Variants in ARHGAP28 observed in about 807,000 individuals in gnomAD.
ARHGAP28 encodes the protein Rho GTPase activating protein 28, also known as rho GTPase-activating protein 28.
ARHGAP28 carries 56 observed loss-of-function variants against 90.7 expected under a neutral mutation model. That is an observed-to-expected ratio of 0.62 (90% CI 0.50 to 0.77). The LOEUF is 0.77. Among genes scored for constraint, ARHGAP28 ranks in the 30% least tolerant of loss-of-function variants. The pLI is 0.00. For synonymous variants in ARHGAP28, 308 were observed against 323.3 expected (o/e 0.95, Z 0.51); for missense variants, 869 against 900.9 (o/e 0.96, Z 0.45).
chr18:6,763,555 A>G (rs1410999256), intron 1 of ARHGAP28, among the ~76,000 whole-genome samples: 1 of 152,238 alleles, frequency 6.6e-6, no homozygotes, highest in Non-Finnish European at 1.5e-5. Context: ...TTACTGTGTC[A>G]TAGCAGTCAT....
At chr18:6,881,277 G>A (rs2057175947) in intron 10 of ARHGAP28, among the ~76,000 whole-genome samples, 1 of 152,284 alleles carries the variant, frequency 6.6e-6, no homozygotes, top group Non-Finnish European at 1.5e-5. Flanking sequence ...ATAAAGCAGA[G>A]GTCTTAAAGA....
intron 12 of ARHGAP28, among the ~76,000 whole-genome samples, chr18:6,887,934 G>A (rs2057235325): frequency 2.0e-5 from 3 of 152,196 alleles, no homozygotes; most frequent in Admixed American, 2.0e-4. Context: ...CATTAGTCTG[G>A]TGTACTGAAG....
rs1051870909 is a variant in ARHGAP28, at chr18:6,913,770, C to T, written c.*1616C>T. ...TGCCTGAAAACCCATTAAAAGAAAA[C>T]GTGCCTTCTGTATAAGTTTATGTTT... On this transcript the variant is annotated 3_prime_UTR_variant, in exon 18 of 18. Transcript: ENST00000383472. The T allele has an allele frequency of 4.0e-5, 6 of 150,736 alleles. No individual in the cohort carries two copies. The highest frequency in any genetic ancestry group is 1.5e-4 in the African/African-American group (6 of 40,968). 9.3% of individuals were successfully genotyped at this position (150,736 alleles called of 1,614,324 possible). A position where few individuals can be genotyped will look rare whatever the true frequency, so the allele number is the denominator to read the frequency against.
intron 16 of ARHGAP28, among the ~76,000 whole-genome samples, chr18:6,901,364 C>G (rs2057337331): frequency 6.6e-6 from 1 of 151,932 alleles, no homozygotes; most frequent in Non-Finnish European, 1.5e-5. Context: ...TGGTGCACCC[C>G]CACTCCCTAA....
intron 1 of ARHGAP28, among the ~76,000 whole-genome samples, chr18:6,780,029 G>A (rs2056312287): frequency 6.6e-6 from 1 of 152,206 alleles, no homozygotes; most frequent in South Asian, 2.1e-4. Flanking sequence ...GAGCAGAAGA[G>A]GTCCAGGTGC....
intron 4 of ARHGAP28, among the ~76,000 whole-genome samples, chr18:6,857,290 G>T (rs1419406218): frequency 7.2e-5 from 11 of 152,182 alleles, no homozygotes; most frequent in Admixed American, 7.2e-4. Context: ...ATCCTGTGTG[G>T]AGGATGTTGT....
rs149850125 is a variant in ARHGAP28, at chr18:6,781,509, C to G, written c.123-43253C>G. Reference sequence around the variant, plus strand: ...TCAGGCTGTGCAGGGAACTCCTGACCCCATCACTCCCCAGCGGGAGCGGGA... The same window carrying G: ...TCAGGCTGTGCAGGGAACTCCTGACGCCATCACTCCCCAGCGGGAGCGGGA... On this transcript the variant is annotated intron_variant, in intron 1 of 17. Transcript: ENST00000383472. 9.8e-4 allele frequency among the ~76,000 whole-genome samples: 149 copies of G among 152,328 alleles called. 2 individuals are homozygous for G. The East Asian group carries it at 0.024, about 25-fold the overall frequency.
chr18:6,865,578 CCAAA>C, intron 5 of ARHGAP28, among the ~76,000 whole-genome samples: 1 of 152,164 alleles, frequency 6.6e-6, no homozygotes, highest in East Asian at 1.9e-4. Context: ...TGGGCAAAAA[CCAAA>C]CAGCCAGTCA....
chr18:6,868,034 G>C, intron 5 of ARHGAP28, 116 bp from the exon 6 acceptor site: 1 of 801,302 alleles, frequency 1.2e-6, no homozygotes, highest in Admixed American at 2.6e-5. Flanking sequence ...AATCAAGAAT[G>C]GCTTTTTTTA....
chr18:6,857,309 G>T (rs2056961506), intron 4 of ARHGAP28, among the ~76,000 whole-genome samples: 1 of 152,202 alleles, frequency 6.6e-6, no homozygotes, highest in African/African-American at 2.4e-5. Flanking sequence ...GTCAACGAAA[G>T]CTGGGTCTTC....
chr18:6,896,870 C>T (rs1405863478), intron 16 of ARHGAP28: 9 of 357,784 alleles, frequency 2.5e-5, no homozygotes, highest in Admixed American at 4.3e-5. Flanking sequence ...TGTCTATCTT[C>T]GTAGCTTCAT....
intron 4 of ARHGAP28, among the ~76,000 whole-genome samples, chr18:6,853,269 G>A (rs1248760197): frequency 6.6e-6 from 1 of 152,114 alleles, no homozygotes; most frequent in African/African-American, 2.4e-5. Context: ...AGGCCACGAT[G>A]GAAGAGGGGG....
chr18:6,820,267 T>C (rs1415336312), intron 1 of ARHGAP28, among the ~76,000 whole-genome samples: 1 of 151,976 alleles, frequency 6.6e-6, no homozygotes, highest in Admixed American at 6.6e-5. Flanking sequence ...ATGAAAAAAA[T>C]ACAATATTGG....
chr18:6,758,536 C>T (rs1160063059), intron 1 of ARHGAP28, among the ~76,000 whole-genome samples: 1 of 152,186 alleles, frequency 6.6e-6, no homozygotes, highest in Non-Finnish European at 1.5e-5. Flanking sequence ...GTTAGCCAGG[C>T]TGGTCTCGAA....
intron 3 of ARHGAP28, among the ~76,000 whole-genome samples, chr18:6,838,167 T>G (rs2056768947): frequency 6.6e-6 from 1 of 152,338 alleles, no homozygotes; most frequent in East Asian, 1.9e-4. Context: ...CTAGGTTAGG[T>G]TCTATGCAGA....
intron 1 of ARHGAP28, among the ~76,000 whole-genome samples, chr18:6,767,905 G>C (rs4798493): frequency 0.43 from 65,011 of 151,866 alleles, 15,035 homozygotes; most frequent in East Asian, 0.85. Context: ...TCAGTTCCCC[G>C]TCCCAATCCC....
intron 1 of ARHGAP28, among the ~76,000 whole-genome samples, chr18:6,803,559 T>G (rs1345714585): frequency 6.6e-6 from 1 of 152,084 alleles, no homozygotes; most frequent in Non-Finnish European, 1.5e-5. Flanking sequence ...GTTATGTCTG[T>G]CTTGTTTTGG....
At chr18:6,834,774 G>A (rs1370824783) in intron 2 of ARHGAP28, among the ~76,000 whole-genome samples, 1 of 152,130 alleles carries the variant, frequency 6.6e-6, no homozygotes, top group Non-Finnish European at 1.5e-5. Context: ...AAAGGCCTTG[G>A]GGGTGTGTTG....
At chr18:6,846,594 C>G (rs2056867820) in intron 3 of ARHGAP28, among the ~76,000 whole-genome samples, 1 of 152,126 alleles carries the variant, frequency 6.6e-6, no homozygotes, top group African/African-American at 2.4e-5. Context: ...TGTGCTAACA[C>G]CTTCCAGTCA....
Sources: gnomAD v4.1 joint callset for allele counts (sites outside exome capture counted in the v4.1 genomes callset) on GRCh38, gnomAD v4.1.1 for gene constraint, MANE v1.5 for transcripts, NCBI Gene and HGNC (gene_info 2026-07-23, HGNC 2026-07-21) for gene names.